The following TMEM217B variants were observed in gnomAD, a reference collection of about 807,000 sequenced individuals.
TMEM217B encodes transmembrane protein 217B.
the TMEM217B span, among the ~76,000 whole-genome samples, chr6:37,256,708 A>T: frequency 7.7e-6 from 1 of 129,438 alleles, no homozygotes; most frequent in South Asian, 2.5e-4. Flanking sequence ...GTATTCTCCA[A>T]TATGTGGAAG....
the TMEM217B span, among the ~76,000 whole-genome samples, chr6:37,238,284 A>G: frequency 2.0e-5 from 3 of 152,164 alleles, no homozygotes; most frequent in Non-Finnish European, 2.9e-5. Flanking sequence ...CACTTACACA[A>G]TATAATTATG....
the TMEM217B span, among the ~76,000 whole-genome samples, chr6:37,230,095 T>G: frequency 2.2e-4 from 33 of 152,182 alleles, no homozygotes; most frequent in Non-Finnish European, 4.6e-4. Flanking sequence ...AGAGGCCTCC[T>G]TCCAGGCCTT....
At chr6:37,230,605 G>A in the TMEM217B span, among the ~76,000 whole-genome samples, 2 of 152,066 alleles carry the variant, frequency 1.3e-5, no homozygotes, top group African/African-American at 2.4e-5. Flanking sequence ...GGTGGTGAGG[G>A]TGGCCATCTA....
the TMEM217B span, among the ~76,000 whole-genome samples, chr6:37,245,646 A>G: frequency 6.6e-6 from 1 of 152,194 alleles, no homozygotes; most frequent in Non-Finnish European, 1.5e-5. Flanking sequence ...TATCATGGGC[A>G]GCAAAAACAC....
At chr6:37,238,140 T>C in the TMEM217B span, among the ~76,000 whole-genome samples, 1 of 148,450 alleles carries the variant, frequency 6.7e-6, no homozygotes, top group South Asian at 2.2e-4. Context: ...TCTAATTGTA[T>C]GTATATAAAG....
chr6:37,217,708 T>C, the TMEM217B span: 7 of 985,388 alleles, frequency 7.1e-6, no homozygotes, highest in Non-Finnish European at 8.4e-6. Context: ...GGGGAAATCA[T>C]AGCACAAACC....
the TMEM217B span, among the ~76,000 whole-genome samples, chr6:37,244,558 G>T: frequency 6.6e-6 from 1 of 152,148 alleles, no homozygotes; most frequent in Non-Finnish European, 1.5e-5. Context: ...GTCTTTCTCT[G>T]TGTAAGTCAG....
the TMEM217B span, among the ~76,000 whole-genome samples, chr6:37,225,176 G>A: frequency 5.9e-5 from 9 of 151,866 alleles, no homozygotes; most frequent in Non-Finnish European, 1.2e-4. Context: ...CTCCAGCCTC[G>A]GTGACAGAGC....
chr6:37,233,872 G>A, the TMEM217B span, among the ~76,000 whole-genome samples: 1 of 152,068 alleles, frequency 6.6e-6, no homozygotes, highest in Admixed American at 6.5e-5. Flanking sequence ...AAAGTGATAT[G>A]CATTCAGTAA....
At chr6:37,212,318 C>G in the TMEM217B span, 1 of 354,826 alleles carries the variant, frequency 2.8e-6, no homozygotes, top group Non-Finnish European at 5.6e-6. Context: ...AAAGCCCTGA[C>G]AAACCAAGCA....
the TMEM217B span, among the ~76,000 whole-genome samples, chr6:37,214,456 A>G: frequency 2.0e-5 from 3 of 152,144 alleles, no homozygotes; most frequent in African/African-American, 7.2e-5. Context: ...TGAACCCCTG[A>G]CCACAAGTGA....
chr6:37,252,633 A>ATT, the TMEM217B span, among the ~76,000 whole-genome samples: 18 of 75,250 alleles, frequency 2.4e-4, no homozygotes, highest in African/African-American at 9.7e-4. Flanking sequence ...ATATATATAT[A>ATT]TATATTTTTT....
At chr6:37,230,734 T>C in the TMEM217B span, among the ~76,000 whole-genome samples, 1 of 152,216 alleles carries the variant, frequency 6.6e-6, no homozygotes, top group Admixed American at 6.5e-5. Flanking sequence ...TATGTAGTTA[T>C]AGAAGCCCTA....
the TMEM217B span, among the ~76,000 whole-genome samples, chr6:37,254,895 C>T: frequency 2.0e-3 from 299 of 152,230 alleles, 7 homozygotes; most frequent in Admixed American, 0.017. Context: ...TGAAACAGTT[C>T]CACTTCAAAT....
chr6:37,240,493 T>TGA, the TMEM217B span, among the ~76,000 whole-genome samples: 66 of 149,838 alleles, frequency 4.4e-4, no homozygotes, highest in Admixed American at 1.8e-3. Context: ...GAGTAAGTGA[T>TGA]GAGAGAGAGA....
At chr6:37,232,834 A>G in the TMEM217B span, among the ~76,000 whole-genome samples, 1 of 152,016 alleles carries the variant, frequency 6.6e-6, no homozygotes, top group Non-Finnish European at 1.5e-5. Context: ...TCTGACACCA[A>G]ACTCACCTTG....
chr6:37,226,593 G>A, the TMEM217B span, among the ~76,000 whole-genome samples: 2 of 144,608 alleles, frequency 1.4e-5, no homozygotes, highest in Admixed American at 6.9e-5. Context: ...CACTGCGCCC[G>A]GCCGAGACAG....
the TMEM217B span, among the ~76,000 whole-genome samples, chr6:37,226,740 T>G: frequency 6.6e-6 from 1 of 152,048 alleles, no homozygotes; most frequent in Admixed American, 6.5e-5. Flanking sequence ...TTTTTTGTAT[T>G]TTTAGTAGAG....
chr6:37,241,981 A>T, the TMEM217B span, among the ~76,000 whole-genome samples: 3 of 150,546 alleles, frequency 2.0e-5, no homozygotes, highest in African/African-American at 7.3e-5. Context: ...CTGCTTCCTC[A>T]GGGAGTTAGG....
Sources: gnomAD v4.1 joint callset for allele counts (sites outside exome capture counted in the v4.1 genomes callset) on GRCh38, gnomAD v4.1.1 for gene constraint, MANE v1.5 for transcripts, NCBI Gene and HGNC (gene_info 2026-07-23, HGNC 2026-07-21) for gene names.